The following TCF7L1 variants were observed in gnomAD, a reference collection of about 807,000 sequenced individuals.
TCF7L1 encodes transcription factor 7 like 1, also known as transcription factor 7-like 1.
In TCF7L1, 18 loss-of-function variants were observed where a neutral mutation model predicts 63.7. That is an observed-to-expected ratio of 0.28 (90% CI 0.20 to 0.42). TCF7L1 has a LOEUF of 0.42. Among genes scored for constraint, TCF7L1 ranks in the 10% least tolerant of loss-of-function variants. The probability of loss-of-function intolerance (pLI) is 1.00; values close to 1 mark genes in which losing one functional copy is unlikely to be tolerated. For synonymous variants in TCF7L1, 355 were observed against 340.9 expected (o/e 1.04, Z -0.46); for missense variants, 654 against 779.3 (o/e 0.84, Z 1.91).
chr2:85,166,328 C>A (rs1378093866), intron 3 of TCF7L1, among the ~76,000 whole-genome samples: 1 of 152,170 alleles, frequency 6.6e-6, no homozygotes, highest in East Asian at 1.9e-4. Flanking sequence ...CACTCTGGGG[C>A]TAGACCTTGG....
At chr2:85,139,697 T>G (rs765194419) in intron 3 of TCF7L1, among the ~76,000 whole-genome samples, 37 of 152,142 alleles carry the variant, frequency 2.4e-4, no homozygotes, top group Non-Finnish European at 5.0e-4. Context: ...CTTCCTTCAC[T>G]CTCATCTTGA....
At chr2:85,221,665 T>G (rs1679843014) in intron 3 of TCF7L1, among the ~76,000 whole-genome samples, 1 of 152,224 alleles carries the variant, frequency 6.6e-6, no homozygotes, top group African/African-American at 2.4e-5. Flanking sequence ...AATACATTTA[T>G]GAGGGCACAG....
chr2:85,247,070 TCCCTACAAGAAGCC>T, intron 3 of TCF7L1, among the ~76,000 whole-genome samples: 1 of 152,314 alleles, frequency 6.6e-6, no homozygotes, highest in South Asian at 2.1e-4. Context: ...TGGGTTTGCA[TCCCTACAAGAAGCC>T]CCCTCTGTCT....
intron 3 of TCF7L1, among the ~76,000 whole-genome samples, chr2:85,277,869 C>T (rs548412537): frequency 6.6e-6 from 1 of 152,208 alleles, no homozygotes; most frequent in African/African-American, 2.4e-5. Context: ...TGTGGGCATT[C>T]CCCCGAGCCC....
chr2:85,309,112 G>A lies in TCF7L1; in HGVS notation c.1417G>A (p.Gly473Arg), dbSNP rs542009262. Residue 473 changes from glycine (G) to arginine (R), a missense_variant, in exon 12 of 12, where the codon GGG (glycine) becomes AGG (arginine). Coordinates refer to ENST00000282111, the MANE Select transcript of TCF7L1 (RefSeq NM_031283.3). The part of the protein sequence containing the change: ...KPCDSPASSH[G>R]SMLDSPATPS... ...CTGTGACAGCCCTGCCTCCTCCCAC[G>A]GGAGCATGCTGGACTCCCCGGCCAC... 59 of 1,599,664 alleles carry A rather than the reference G, an allele frequency of 3.7e-5. No individual in the cohort carries two copies. Among genetic ancestry groups the A allele is most frequent in the East Asian group, 4.5e-5 (2 of 44,464 alleles).
chr2:85,202,024 G>A (rs955780333), intron 3 of TCF7L1, among the ~76,000 whole-genome samples: 6 of 151,904 alleles, frequency 3.9e-5, no homozygotes, highest in Non-Finnish European at 7.4e-5. Flanking sequence ...GTGCAGTGGT[G>A]CGATCTCAGC....
chr2:85,264,482 G>C (rs1450107165), intron 3 of TCF7L1, among the ~76,000 whole-genome samples: 1 of 152,150 alleles, frequency 6.6e-6, no homozygotes, highest in Non-Finnish European at 1.5e-5. Flanking sequence ...GCTCAGGAAG[G>C]AAGTGGCAAA....
intron 6 of TCF7L1, 53 bp downstream of exon 6, chr2:85,304,050 GCCTCTGTGCCCTGCGCGC>G: frequency 7.0e-7 from 1 of 1,431,590 alleles, no homozygotes; most frequent in Non-Finnish European, 9.7e-7. Flanking sequence ...GCTGAGCTCT[GCCTCTGTGCCCTGCGCGC>G]CCTGCACAGT....
intron 4 of TCF7L1, among the ~76,000 whole-genome samples, chr2:85,287,299 T>C (rs371517618): frequency 9.9e-5 from 15 of 152,244 alleles, no homozygotes; most frequent in African/African-American, 3.6e-4. Context: ...TTGTTTGTCT[T>C]TTTGAAGCTT....
At chr2:85,218,808 G>A (rs959956046) in intron 3 of TCF7L1, among the ~76,000 whole-genome samples, 1 of 152,030 alleles carries the variant, frequency 6.6e-6, no homozygotes, top group African/African-American at 2.4e-5. Flanking sequence ...ATCTAGGCAG[G>A]GGAAAATATG....
At chr2:85,185,174 G>A (rs1678888978) in intron 3 of TCF7L1, among the ~76,000 whole-genome samples, 1 of 152,124 alleles carries the variant, frequency 6.6e-6, no homozygotes, top group Non-Finnish European at 1.5e-5. Context: ...GTGTGCCCTA[G>A]TAATGATAAG....
chr2:85,187,004 G>C (rs1227384286), intron 3 of TCF7L1, among the ~76,000 whole-genome samples: 1 of 152,144 alleles, frequency 6.6e-6, no homozygotes, highest in Non-Finnish European at 1.5e-5. Flanking sequence ...GTGTAGTTTG[G>C]TGAACATACT....
At chr2:85,141,220 C>G (rs199501971) in intron 3 of TCF7L1, among the ~76,000 whole-genome samples, 2 of 151,888 alleles carry the variant, frequency 1.3e-5, no homozygotes, top group Non-Finnish European at 2.9e-5. Flanking sequence ...GGGTGACAGA[C>G]AGTGAGACCC....
intron 3 of TCF7L1, among the ~76,000 whole-genome samples, chr2:85,214,007 G>A (rs765788876): frequency 2.6e-5 from 4 of 152,154 alleles, no homozygotes; most frequent in Admixed American, 1.3e-4. Context: ...TTCTCACCCC[G>A]GAACGCCCCT....
chr2:85,242,539 G>A (rs529294256), intron 3 of TCF7L1, among the ~76,000 whole-genome samples: 16 of 152,334 alleles, frequency 1.1e-4, no homozygotes, highest in African/African-American at 2.4e-4. Flanking sequence ...GGCTGTGCCC[G>A]CTTCTGCTGT....
intron 3 of TCF7L1, among the ~76,000 whole-genome samples, chr2:85,201,614 T>G (rs773439337): frequency 6.6e-6 from 1 of 152,210 alleles, no homozygotes; most frequent in Non-Finnish European, 1.5e-5. Context: ...GTCAACTGTA[T>G]ATCTAGGAGT....
chr2:85,168,081 A>G (rs1468479534), intron 3 of TCF7L1, among the ~76,000 whole-genome samples: 1 of 152,180 alleles, frequency 6.6e-6, no homozygotes, highest in African/African-American at 2.4e-5. Flanking sequence ...AGTTACAGAT[A>G]TGAGATGAGT....
At chr2:85,185,070 C>T (rs1678887018) in intron 3 of TCF7L1, among the ~76,000 whole-genome samples, 1 of 152,134 alleles carries the variant, frequency 6.6e-6, no homozygotes, top group South Asian at 2.1e-4. Context: ...CATTCAAGAT[C>T]TTTTATAGCC....
At position 85,153,643 on chromosome 2, in the gene TCF7L1, C is replaced by A. The variant is rs557029834; in HGVS notation, c.441+19193C>A. On this transcript the variant is annotated intron_variant, in intron 3 of 11. Coordinates refer to ENST00000282111, the MANE Select transcript of TCF7L1 (RefSeq NM_031283.3). ...GGCGTGAGCCACTGCACCCGGCTAG[C>A]CTCTATAAAATTTAATCTCTACACT... 1.2e-4 allele frequency among the ~76,000 whole-genome samples: 19 copies of A among 152,108 alleles called. No individual in the cohort carries two copies. In the South Asian group the frequency reaches 3.7e-3, roughly 30 times the overall value.
Sources: allele counts gnomAD v4.1 joint callset (sites outside exome capture counted in the v4.1 genomes callset), GRCh38; gene constraint gnomAD v4.1.1; transcripts MANE v1.5; gene names NCBI Gene and HGNC (gene_info 2026-07-23, HGNC 2026-07-21).